Variants in BCAR3 observed in about 807,000 individuals in gnomAD.
The protein encoded by BCAR3 is BCAR3 adaptor protein, NSP family member, also known as breast cancer anti-estrogen resistance protein 3.
In BCAR3, 37 loss-of-function variants were observed where a neutral mutation model predicts 80.1. The ratio of observed to expected loss-of-function variants is 0.46; its 90% CI spans 0.36 to 0.61. BCAR3 has a LOEUF of 0.61. Ranked by LOEUF, BCAR3 falls within the 20% of genes least tolerant of loss-of-function variation. The probability of loss-of-function intolerance (pLI) is 0.00; values close to 1 mark genes in which losing one functional copy is unlikely to be tolerated. For missense variants in BCAR3, 978 were observed against 1,068.2 expected (o/e 0.92, Z 1.18); for synonymous variants, 389 against 418.9 (o/e 0.93, Z 0.87).
At chr1:93,609,994 T>C (rs1314427453) in intron 3 of BCAR3, among the ~76,000 whole-genome samples, 1 of 152,232 alleles carries the variant, frequency 6.6e-6, no homozygotes, top group East Asian at 1.9e-4. Flanking sequence ...AAATCAGTGA[T>C]AACCGATCGT....
intron 2 of BCAR3, among the ~76,000 whole-genome samples, chr1:93,845,162 G>A (rs1253978919): frequency 3.3e-5 from 5 of 151,182 alleles, no homozygotes; most frequent in East Asian, 1.9e-4. Flanking sequence ...ACTTAATCAC[G>A]TCAATGACTC....
Position 93,630,527 on chromosome 1 carries a change from A to T in BCAR3, c.357+11777T>A, listed in dbSNP as rs542496334. ...TGCATGCCTGTAGACCCAGCTACTC[A>T]TGAGGCTGAAGTGGGAGGATGGCTT... On this transcript the variant is annotated intron_variant, in intron 3 of 11. Coordinates refer to ENST00000260502, the MANE Select transcript of BCAR3 (RefSeq NM_003567.4). Among the ~76,000 whole-genome samples, 3 of 152,214 alleles carry T rather than the reference A, an allele frequency of 2.0e-5. 1 individual carries two copies. The highest frequency in any genetic ancestry group is 7.2e-5 in the African/African-American group (3 of 41,554).
chr1:93,602,442 A>T (rs1052184621), intron 3 of BCAR3: 1 of 149,768 alleles, frequency 6.7e-6, no homozygotes, highest in East Asian at 1.9e-4. Context: ...ACTGCCCCCA[A>T]TAATGTTGTA....
At chr1:93,725,237 T>A (rs1308651930) in intron 2 of BCAR3, among the ~76,000 whole-genome samples, 1 of 152,198 alleles carries the variant, frequency 6.6e-6, no homozygotes, top group Admixed American at 6.5e-5. Context: ...CAGTAGGCAC[T>A]CAAAAATATA....
At chr1:93,752,553 T>C (rs1401636686) in intron 2 of BCAR3, among the ~76,000 whole-genome samples, 1 of 152,242 alleles carries the variant, frequency 6.6e-6, no homozygotes, top group African/African-American at 2.4e-5. Context: ...AGGTTTGAAA[T>C]AGGAGTGCAT....
chr1:93,805,694 A>C (rs1191008185), intron 2 of BCAR3, among the ~76,000 whole-genome samples: 2 of 152,238 alleles, frequency 1.3e-5, no homozygotes, highest in African/African-American at 4.8e-5. Context: ...CTCAGTCTTA[A>C]ACAGAAATGA....
At chr1:93,700,733 A>C (rs915393868) in intron 3 of BCAR3, among the ~76,000 whole-genome samples, 5 of 152,226 alleles carry the variant, frequency 3.3e-5, no homozygotes, top group Admixed American at 6.5e-5. Flanking sequence ...TCTTTCCCCT[A>C]CAGGATTCTC....
upstream of BCAR3, among the ~76,000 whole-genome samples, chr1:93,682,476 A>T (rs6541387): frequency 0.3 from 45,650 of 152,178 alleles, 10,460 homozygotes; most frequent in African/African-American, 0.65. Flanking sequence ...GCTGTGCTGT[A>T]TTGGGGGTCA....
chr1:93,740,899 C>T (rs548329687), intron 2 of BCAR3, among the ~76,000 whole-genome samples: 1 of 152,306 alleles, frequency 6.6e-6, no homozygotes, highest in East Asian at 1.9e-4. Context: ...GCTGTGTTTC[C>T]AGCTGACAGC....
chr1:93,702,015 G>C (rs995653575), intron 3 of BCAR3, among the ~76,000 whole-genome samples: 3 of 152,130 alleles, frequency 2.0e-5, no homozygotes, highest in African/African-American at 7.2e-5. Context: ...TGGGGTTGGG[G>C]GTGGACACAG....
intron 4 of BCAR3, among the ~76,000 whole-genome samples, chr1:93,589,832 T>C (rs1198312981): frequency 3.3e-5 from 5 of 151,932 alleles, no homozygotes; most frequent in African/African-American, 1.2e-4. Flanking sequence ...TCCAGTAAAA[T>C]AGGGTGGTTG....
intron 2 of BCAR3, among the ~76,000 whole-genome samples, chr1:93,759,855 A>C (rs1651875866): frequency 2.0e-5 from 3 of 152,138 alleles, no homozygotes. Context: ...ACTGTCTACC[A>C]TGGTCCACGT....
rs3754199 is a variant in BCAR3 at position 93,636,211 on chromosome 1, G to A, written c.357+6093C>T. On this transcript the variant is annotated intron_variant, in intron 3 of 11. Transcript: ENST00000260502. ...AAGGACAGCTTCCTGAGTTTCTCTGGGGTCATCTGCACTGTGAAGGGAGAA... is the reference window on the plus strand; with the variant it reads ...AAGGACAGCTTCCTGAGTTTCTCTGAGGTCATCTGCACTGTGAAGGGAGAA... Among the ~76,000 whole-genome samples the A allele has an allele frequency of 3.0e-4, 46 of 152,224 alleles. No individual in the cohort carries two copies. The East Asian group carries it at 7.1e-3, about 24-fold the overall frequency.
intron 3 of BCAR3, among the ~76,000 whole-genome samples, chr1:93,687,428 C>T (rs1449434700): frequency 6.6e-6 from 1 of 152,198 alleles, no homozygotes; most frequent in African/African-American, 2.4e-5. Flanking sequence ...CCGCCTTAGC[C>T]TCCCAAGTAG....
intron 3 of BCAR3, among the ~76,000 whole-genome samples, chr1:93,608,000 A>G (rs989331726): frequency 1.3e-5 from 2 of 152,164 alleles, no homozygotes; most frequent in African/African-American, 4.8e-5. Flanking sequence ...CGATGAATCA[A>G]TGGCTTCTGA....
intron 2 of BCAR3, among the ~76,000 whole-genome samples, chr1:93,844,171 G>C (rs548810624): frequency 2.7e-4 from 41 of 152,264 alleles, no homozygotes; most frequent in African/African-American, 9.9e-4. Flanking sequence ...GCCGGGTGTG[G>C]TGGCACGTGC....
At position 93,562,273 on chromosome 1, in the gene BCAR3, C is replaced by G; in HGVS notation, c.2446G>C (p.Glu816Gln). ...QILTALSRKL[E>Q]PPPVKQAEL ...TCTGCCTGCTTTACAGGAGGAGGTT[C>G]CAATTTACGCGAGAGGGCAGTTAAA... The change falls in exon 12 of 12, where the codon GAA (glutamate) becomes CAA (glutamine). Residue 816 changes from glutamate (E) to glutamine (Q), a missense_variant. Physicochemically the swap from Glu to Gln is conservative, Grantham distance 29. Transcript: ENST00000260502. 6.2e-7 allele frequency: 1 copy of G among 1,613,932 alleles called. No homozygotes were observed. The highest frequency in any genetic ancestry group is 8.5e-7 in the Non-Finnish European group (1 of 1,179,898).
chr1:93,662,467 T>A (rs376056), intron 2 of BCAR3, among the ~76,000 whole-genome samples: 31,208 of 151,574 alleles, frequency 0.21, 3,634 homozygotes, highest in African/African-American at 0.33. Context: ...TCTTTTTTTT[T>A]AAAAAAAAAT....
intron 2 of BCAR3, among the ~76,000 whole-genome samples, chr1:93,770,503 T>G (rs1006807584): frequency 2.0e-4 from 31 of 152,080 alleles, no homozygotes; most frequent in Admixed American, 8.5e-4. Flanking sequence ...AGGCAAACAT[T>G]TTTTTGTTGC....
Sources: gnomAD v4.1 joint callset for allele counts (sites outside exome capture counted in the v4.1 genomes callset) on GRCh38, gnomAD v4.1.1 for gene constraint, MANE v1.5 for transcripts, NCBI Gene and HGNC (gene_info 2026-07-23, HGNC 2026-07-21) for gene names.